The following CBR4 variants were observed in gnomAD, a reference collection of about 807,000 sequenced individuals.
The protein encoded by CBR4 is 3-oxoacyl-[acyl-carrier-protein] reductase.
Under a neutral mutation model 21.0 loss-of-function variants are expected in CBR4, and 22 were observed. The ratio of observed to expected loss-of-function variants is 1.05; its 90% CI spans 0.75 to 1.50. CBR4 has a LOEUF of 1.50. CBR4 is among the 40% of genes most tolerant of loss of function. CBR4 has a pLI of 0.00. For missense variants in CBR4, 302 were observed against 286.3 expected (o/e 1.05, Z -0.40); for synonymous variants, 100 against 104.4 (o/e 0.96, Z 0.26).
chr4:168,907,762 G>A (rs914815066), intron 2 of CBR4, among the ~76,000 whole-genome samples: 3 of 152,044 alleles, frequency 2.0e-5, no homozygotes, highest in Non-Finnish European at 4.4e-5. Context: ...ACCAAGAACA[G>A]CCCTCCTAAT....
At chr4:168,934,443 A>T (rs1263668309) in intron 2 of CBR4, among the ~76,000 whole-genome samples, 1 of 152,070 alleles carries the variant, frequency 6.6e-6, no homozygotes, top group Non-Finnish European at 1.5e-5. Flanking sequence ...ACTAGCCACT[A>T]GACTAAGAAT....
chr4:168,973,555 T>C (rs1041378926), intron 2 of CBR4, among the ~76,000 whole-genome samples: 1 of 152,238 alleles, frequency 6.6e-6, no homozygotes, highest in Non-Finnish European at 1.5e-5. Context: ...CTCAAACTCC[T>C]GACCTCAGGT....
intron 2 of CBR4, chr4:168,921,649 A>G: frequency 6.2e-7 from 1 of 1,610,294 alleles, no homozygotes; most frequent in Non-Finnish European, 8.5e-7. Flanking sequence ...CTGATCATAG[A>G]GCCAGTCACG....
Position 168,989,516 on chromosome 4 carries a change from GATCACCC to G in CBR4, c.*627_*633del. On this transcript the variant is annotated 3_prime_UTR_variant, in exon 5 of 5. Transcript: ENST00000306193. ...ATGTTTTGCAACCTGTATAAAAACT[GATCACCC>G]AAGCACATGCAAAAGGAATATAGTT... is the stretch of plus-strand genomic sequence containing the variant. The G allele has an allele frequency of 1.0e-6, 1 of 985,350 alleles. No homozygotes were observed. Among genetic ancestry groups the G allele is most frequent in the Non-Finnish European group, 1.2e-6 (1 of 829,892 alleles). 61.0% of individuals were successfully genotyped at this position (985,350 alleles called of 1,614,324 possible).
At position 168,951,215 on chromosome 4, in the gene CBR4, C is replaced by T. The variant is rs148700130; in HGVS notation, n.169+50856G>A. Reference sequence around the variant, plus strand: ...CTGGGATTACAGGCACCCACCACCACGCACAGCTAATTTTTATATTTTTAG... The same window carrying T: ...CTGGGATTACAGGCACCCACCACCATGCACAGCTAATTTTTATATTTTTAG... On this transcript the variant is annotated intron_variant and non_coding_transcript_variant, in intron 2 of 3. Transcript: ENST00000509108. Among the ~76,000 whole-genome samples, 362 of 152,200 alleles carry T rather than the reference C, an allele frequency of 2.4e-3. 2 individuals are homozygous for T. The highest frequency in any genetic ancestry group is 4.2e-3 in the Non-Finnish European group (287 of 67,980).
intron 2 of CBR4, among the ~76,000 whole-genome samples, chr4:168,982,452 T>C (rs1764572789): frequency 1.3e-5 from 2 of 152,204 alleles, no homozygotes; most frequent in South Asian, 4.1e-4. Flanking sequence ...GAGATGTAGA[T>C]AACCATAAAC....
In CBR4 at chr4:168,947,203, G is replaced by A. The variant is rs113898810; in HGVS notation, n.170-52438C>T. 9.7e-4 allele frequency among the ~76,000 whole-genome samples: 147 copies of A among 151,958 alleles called. 1 individual carries two copies. Among genetic ancestry groups the A allele is most frequent in the African/African-American group, 3.4e-3 (141 of 41,442 alleles). On this transcript the variant is annotated intron_variant and non_coding_transcript_variant, in intron 2 of 3. Coordinates refer to the CBR4 transcript ENST00000509108. ...TTTGAATGTACAGTTTGGTTTACCC[G>A]TTTTAAAATTTAATAAGTTTCTATA...
chr4:168,940,364 C>G (rs909288132), intron 2 of CBR4, among the ~76,000 whole-genome samples: 3 of 152,170 alleles, frequency 2.0e-5, no homozygotes, highest in African/African-American at 7.2e-5. Context: ...CAATACCATT[C>G]AGGACACAGG....
intron 4 of CBR4, among the ~76,000 whole-genome samples, chr4:168,999,337 C>T (rs1176531916): frequency 6.6e-6 from 1 of 152,112 alleles, no homozygotes; most frequent in Non-Finnish European, 1.5e-5. Context: ...GTTACAAGAT[C>T]TGTTGAAGAA....
intron 2 of CBR4, among the ~76,000 whole-genome samples, chr4:168,952,643 G>C (rs980175952): frequency 1.3e-5 from 2 of 152,062 alleles, no homozygotes. Flanking sequence ...TTTTCCTATG[G>C]ATGTGGCTTC....
At chr4:168,928,273 T>C (rs953433821) in intron 2 of CBR4, 2 of 182,598 alleles carry the variant, frequency 1.1e-5, no homozygotes, top group African/African-American at 4.7e-5. Context: ...TTTTGCTGAT[T>C]TGCTGGGTTT....
rs1758556481 is a variant in CBR4 at position 168,909,885 on chromosome 4, A to T, written n.170-15120T>A. On this transcript the variant is annotated intron_variant and non_coding_transcript_variant, in intron 2 of 3. Coordinates refer to the CBR4 transcript ENST00000509108. Reference sequence around the variant, plus strand: ...CTGGGGGTTTTTTCCCCCAAACAAAAATGACAAAATTATACAACTTCTTAG... The same window carrying T: ...CTGGGGGTTTTTTCCCCCAAACAAATATGACAAAATTATACAACTTCTTAG... Among the ~76,000 whole-genome samples the T allele has an allele frequency of 2.6e-5, 4 of 152,158 alleles. No homozygotes were observed. In the South Asian group the frequency reaches 8.3e-4, roughly 32 times the overall value.
intron 3 of CBR4, among the ~76,000 whole-genome samples, chr4:169,006,351 A>G (rs1730911667): frequency 6.6e-6 from 1 of 152,162 alleles, no homozygotes; most frequent in African/African-American, 2.4e-5. Context: ...AAAAAAAAAA[A>G]ATTCACATAA....
At chr4:168,985,350 A>G (rs572283669), downstream of CBR4, among the ~76,000 whole-genome samples, 1 of 152,236 alleles carries the variant, frequency 6.6e-6, no homozygotes. Flanking sequence ...ATACCATCTC[A>G]CGCCACTCAG....
At chr4:168,924,134 C>T in intron 2 of CBR4, 1 of 822,696 alleles carries the variant, frequency 1.2e-6, no homozygotes, top group Non-Finnish European at 2.0e-6. Flanking sequence ...CATCTTACCA[C>T]CTGGAGTAAA....
intron 2 of CBR4, among the ~76,000 whole-genome samples, chr4:168,972,972 G>C (rs571794493): frequency 6.6e-6 from 1 of 152,264 alleles, no homozygotes; most frequent in African/African-American, 2.4e-5. Context: ...TTTGCTGAGG[G>C]TTTTACTCAT....
chr4:168,995,474 C>T (rs564393681), intron 4 of CBR4, among the ~76,000 whole-genome samples: 4 of 152,242 alleles, frequency 2.6e-5, no homozygotes, highest in African/African-American at 9.6e-5. Context: ...CAGTGAGACA[C>T]TTTCAGGGAC....
chr4:168,953,324 G>C (rs1763597128), intron 2 of CBR4, among the ~76,000 whole-genome samples: 1 of 152,174 alleles, frequency 6.6e-6, no homozygotes, highest in Non-Finnish European at 1.5e-5. Flanking sequence ...AAGCAGGGTT[G>C]TGTCCTCAGT....
At chr4:168,934,370 T>C (rs1763053506) in intron 2 of CBR4, among the ~76,000 whole-genome samples, 1 of 127,464 alleles carries the variant, frequency 7.8e-6, no homozygotes, top group Non-Finnish European at 1.7e-5. Context: ...TTAAACAAAA[T>C]TGAGATTTAA....
Sources: allele counts gnomAD v4.1 joint callset (sites outside exome capture counted in the v4.1 genomes callset), GRCh38; gene constraint gnomAD v4.1.1; transcripts MANE v1.5; gene names NCBI Gene and HGNC (gene_info 2026-07-23, HGNC 2026-07-21).